ATXN1: variants seen among roughly 807,000 people sequenced by gnomAD.
ATXN1 encodes ataxin-1.
In ATXN1, 8 loss-of-function variants were observed where a neutral mutation model predicts 56.4. The ratio of observed to expected loss-of-function variants is 0.14; its 90% CI spans 0.08 to 0.26. The LOEUF (loss-of-function observed/expected upper bound fraction) is 0.26. Among genes scored for constraint, ATXN1 ranks in the 10% least tolerant of loss-of-function variants. ATXN1 has a pLI of 1.00. For synonymous variants in ATXN1, 514 were observed against 494.6 expected (o/e 1.04, Z -0.52); for missense variants, 987 against 1,106.5 (o/e 0.89, Z 1.53).
At chr6:16,697,530 A>T (rs1759189038) in intron 2 of ATXN1, among the ~76,000 whole-genome samples, 1 of 152,168 alleles carries the variant, frequency 6.6e-6, no homozygotes. Context: ...TGAAGAGCTA[A>T]GGCTAACTTT....
At chr6:16,423,729 A>C (rs1403426250) in intron 6 of ATXN1, among the ~76,000 whole-genome samples, 1 of 152,160 alleles carries the variant, frequency 6.6e-6, no homozygotes, top group East Asian at 1.9e-4. Context: ...AGTGGACAGA[A>C]ATTAAATAAA....
Position 16,326,474 on chromosome 6 carries a change from T to C in ATXN1, c.1837A>G (p.Ser613Gly). The change falls in exon 7 of 8, where the codon AGC (serine) becomes GGC (glycine). Residue 613 changes from serine to glycine, a missense_variant. Coordinates refer to ENST00000436367, the MANE Select transcript of ATXN1 (RefSeq NM_001128164.2). This position sits in a 1 kb window ranked among gnomAD's most constrained non-coding sequence, Gnocchi z 6.6. Reference protein sequence around the residue: ...EISNDLKIDSSTVERIEDSHS... With the variant: ...EISNDLKIDSGTVERIEDSHS... ...CTGTCTTCAATCCTCTCTACGGTGC[T>C]GGAGTCGATCTTCAGGTCGTTGCTT... The C allele has an allele frequency of 1.2e-6, 2 of 1,614,200 alleles. No individual in the cohort carries two copies. The highest frequency in any genetic ancestry group is 2.2e-5 in the East Asian group (1 of 44,880).
At chr6:16,575,362 G>A (rs182413653) in intron 4 of ATXN1, among the ~76,000 whole-genome samples, 3 of 152,118 alleles carry the variant, frequency 2.0e-5, no homozygotes, top group Admixed American at 1.3e-4. Context: ...TTCCTTCCTC[G>A]TTTGTTTATT....
chr6:16,418,287 G>A (rs1452871709), intron 6 of ATXN1, among the ~76,000 whole-genome samples: 1 of 152,122 alleles, frequency 6.6e-6, no homozygotes, highest in Non-Finnish European at 1.5e-5. Context: ...CCTTCCTCTA[G>A]ACTATTAATC....
chr6:16,723,295 T>G (rs1759783009), intron 2 of ATXN1, among the ~76,000 whole-genome samples: 1 of 152,184 alleles, frequency 6.6e-6, no homozygotes, highest in Non-Finnish European at 1.5e-5. Flanking sequence ...CTGGGGACAT[T>G]TTCATTTTAT....
At chr6:16,495,052 G>C (rs777524146) in intron 5 of ATXN1, among the ~76,000 whole-genome samples, 1 of 152,168 alleles carries the variant, frequency 6.6e-6, no homozygotes, top group African/African-American at 2.4e-5. Context: ...TTGCAGAAGT[G>C]CTTGGTGAAA....
intron 6 of ATXN1, among the ~76,000 whole-genome samples, chr6:16,478,262 G>C (rs187276290): frequency 9.2e-5 from 14 of 152,312 alleles, no homozygotes; most frequent in African/African-American, 3.4e-4. Context: ...GAAGGGGCAA[G>C]GAACTAGCTT....
intron 6 of ATXN1, among the ~76,000 whole-genome samples, chr6:16,466,363 A>G (rs1328536745): frequency 1.4e-5 from 2 of 144,908 alleles, no homozygotes; most frequent in East Asian, 4.0e-4. Flanking sequence ...CCTAAATGTC[A>G]GGAGGGAACC....
At chr6:16,354,026 G>A (rs1761633088) in intron 6 of ATXN1, among the ~76,000 whole-genome samples, 1 of 152,126 alleles carries the variant, frequency 6.6e-6, no homozygotes, top group African/African-American at 2.4e-5. Flanking sequence ...GGCAGCACAG[G>A]AGAATCACCT....
chr6:16,550,848 A>G (rs1233098003), intron 4 of ATXN1, among the ~76,000 whole-genome samples: 1 of 152,224 alleles, frequency 6.6e-6, no homozygotes, highest in Non-Finnish European at 1.5e-5. Flanking sequence ...TGTATTCCAT[A>G]TTTGAAAACA....
At chr6:16,636,300 G>C (rs910866989) in intron 3 of ATXN1, among the ~76,000 whole-genome samples, 2 of 152,126 alleles carry the variant, frequency 1.3e-5, no homozygotes, top group Non-Finnish European at 2.9e-5. Flanking sequence ...AGTGCAGCCG[G>C]AACTGAAACC....
intron 5 of ATXN1, among the ~76,000 whole-genome samples, chr6:16,515,695 G>A (rs1205200424): frequency 6.6e-6 from 1 of 152,142 alleles, no homozygotes; most frequent in African/African-American, 2.4e-5. Context: ...TTAGATTGCT[G>A]TGTTTTCCTC....
chr6:16,581,167 G>A (rs1380281003), intron 4 of ATXN1, among the ~76,000 whole-genome samples: 1 of 151,566 alleles, frequency 6.6e-6, no homozygotes, highest in Non-Finnish European at 1.5e-5. Flanking sequence ...GTGCCTGAAG[G>A]GGAAAAGACC....
intron 3 of ATXN1, among the ~76,000 whole-genome samples, chr6:16,613,696 G>A (rs1009250738): frequency 6.6e-6 from 1 of 152,060 alleles, no homozygotes; most frequent in Non-Finnish European, 1.5e-5. Context: ...AGGCATAGTG[G>A]CATGCACCTG....
At position 16,490,189 on chromosome 6, in the gene ATXN1, T is replaced by C. The variant is rs1760633533; in HGVS notation, c.-298-4080A>G. ...CAACAAAAAACTTCACACACTATAT[T>C]ACCCAGGTTATTACACTGTGTGTGG... On this transcript the variant is annotated intron_variant, in intron 5 of 7. Coordinates refer to ENST00000436367, the MANE Select transcript of ATXN1 (RefSeq NM_001128164.2). Among the ~76,000 whole-genome samples the C allele has an allele frequency of 3.3e-5, 5 of 151,886 alleles. No homozygotes were observed. In the South Asian group the frequency reaches 1.0e-3, roughly 32 times the overall value.
At chr6:16,699,785 T>C (rs1175645563) in intron 2 of ATXN1, among the ~76,000 whole-genome samples, 1 of 152,160 alleles carries the variant, frequency 6.6e-6, no homozygotes, top group Non-Finnish European at 1.5e-5. Flanking sequence ...AAGAATCAAC[T>C]GTGTCCCTTA....
intron 3 of ATXN1, among the ~76,000 whole-genome samples, chr6:16,638,084 A>G (rs928098128): frequency 2.6e-5 from 4 of 152,130 alleles, no homozygotes; most frequent in Non-Finnish European, 2.9e-5. Context: ...CCAGTCTGTG[A>G]GGTCTGCAGT....
chr6:16,461,856 G>A (rs1392326487), intron 6 of ATXN1, among the ~76,000 whole-genome samples: 3 of 152,108 alleles, frequency 2.0e-5, no homozygotes, highest in Non-Finnish European at 4.4e-5. Context: ...AGGCACTTAA[G>A]GAAACGAACA....
chr6:16,674,857 G>A (rs1056359175), intron 2 of ATXN1, among the ~76,000 whole-genome samples: 1 of 152,174 alleles, frequency 6.6e-6, no homozygotes, highest in Non-Finnish European at 1.5e-5. Flanking sequence ...TGCTCCTAGA[G>A]AAACAGATCA....
Sources: gnomAD v4.1 joint callset for allele counts (sites outside exome capture counted in the v4.1 genomes callset) on GRCh38, gnomAD v4.1.1 for gene constraint, Gnocchi (gnomAD v3.1) non-coding constraint, MANE v1.5 for transcripts, NCBI Gene and HGNC (gene_info 2026-07-23, HGNC 2026-07-21) for gene names.